KAZN: variants seen among roughly 807,000 people sequenced by gnomAD.
The protein encoded by KAZN is kazrin.
KAZN carries 40 observed loss-of-function variants against 87.4 expected under a neutral mutation model. The observed-to-expected ratio is 0.46, with a 90% CI of 0.36 to 0.60. The LOEUF (loss-of-function observed/expected upper bound fraction) is 0.60, where lower values mean the gene tolerates loss of function less well. Among genes scored for constraint, KAZN ranks in the 20% least tolerant of loss-of-function variants. KAZN has a pLI of 0.00. For synonymous variants in KAZN, 466 were observed against 458.3 expected (o/e 1.02, Z -0.22); for missense variants, 898 against 1,073.9 (o/e 0.84, Z 2.29).
intron 1 of KAZN, among the ~76,000 whole-genome samples, chr1:13,961,567 T>C (rs894842820): frequency 2.6e-5 from 4 of 152,242 alleles, no homozygotes; most frequent in Admixed American, 2.0e-4. Flanking sequence ...CTTTCTCCAC[T>C]GCAATTATCC....
At chr1:14,223,738 C>T (rs137999847) in intron 2 of KAZN, among the ~76,000 whole-genome samples, 155 of 152,240 alleles carry the variant, frequency 1.0e-3, no homozygotes, top group Middle Eastern at 3.4e-3. Context: ...GAAACTGATA[C>T]GAAAGGAGAA....
In KAZN at chr1:14,542,090, G is replaced by A. The variant is rs1672845964; in HGVS notation, c.250-56893G>A. ...AGTGACTCCACAGTCTGTGTCTCAG[G>A]GGTATCCTCTCAACCCACAGGCTCA... On this transcript the variant is annotated intron_variant, in intron 2 of 16. Coordinates refer to the KAZN transcript ENST00000636203. Among the ~76,000 whole-genome samples the A allele has an allele frequency of 3.3e-5, 5 of 152,254 alleles. No individual in the cohort carries two copies. The South Asian group carries it at 1.0e-3, about 32-fold the overall frequency.
intron 1 of KAZN, 112 bp from the exon 2 acceptor site, chr1:14,960,572 C>A: frequency 1.8e-6 from 2 of 1,109,734 alleles, no homozygotes; most frequent in Non-Finnish European, 2.6e-6. Context: ...GTAGGAAAGG[C>A]CCTGAATGCA....
intron 2 of KAZN, among the ~76,000 whole-genome samples, chr1:14,257,082 T>C (rs1443717553): frequency 2.6e-5 from 4 of 152,184 alleles, no homozygotes; most frequent in Non-Finnish European, 5.9e-5. Context: ...TTAGGTCCCT[T>C]CTGCTATAAT....
chr1:14,388,509 C>T lies in KAZN; in HGVS notation c.249+207917C>T, dbSNP rs141620912. Among the ~76,000 whole-genome samples, 839 of 152,212 alleles carry T rather than the reference C, an allele frequency of 5.5e-3. 11 individuals are homozygous for T. Among genetic ancestry groups the T allele is most frequent in the African/African-American group, 0.019 (796 of 41,522 alleles). ...TACAGTACTGGCATAAAAATAGACA[C>T]ATAGATCAGTGGAACAGAGAACCCA... On this transcript the variant is annotated intron_variant, in intron 2 of 16. Transcript: ENST00000636203.
intron 2 of KAZN, among the ~76,000 whole-genome samples, chr1:14,980,993 T>C (rs1666192633): frequency 6.6e-6 from 1 of 152,114 alleles, no homozygotes; most frequent in Non-Finnish European, 1.5e-5. Context: ...TCATTACTCA[T>C]CCCCATGGCC....
At chr1:14,148,147 C>T (rs1050679449) in intron 1 of KAZN, among the ~76,000 whole-genome samples, 8 of 151,942 alleles carry the variant, frequency 5.3e-5, no homozygotes, top group African/African-American at 1.5e-4. Flanking sequence ...TGCAGTGAGC[C>T]GTCATCATGC....
chr1:14,543,071 C>T (rs1029382045), intron 2 of KAZN, among the ~76,000 whole-genome samples: 6 of 152,142 alleles, frequency 3.9e-5, no homozygotes, highest in African/African-American at 1.4e-4. Context: ...AACACAGGCT[C>T]CTAACTAGCT....
chr1:14,209,366 C>T (rs1188635800), intron 2 of KAZN, among the ~76,000 whole-genome samples: 3 of 152,186 alleles, frequency 2.0e-5, no homozygotes, highest in African/African-American at 7.2e-5. Context: ...GAGGTCCCTC[C>T]ACGTGGAAAT....
chr1:14,772,653 A>G (rs1162981027), intron 1 of KAZN, among the ~76,000 whole-genome samples: 1 of 152,202 alleles, frequency 6.6e-6, no homozygotes, highest in Non-Finnish European at 1.5e-5. Flanking sequence ...ATCTTCTCAC[A>G]GAGACACAGG....
At chr1:14,322,260 T>TAATA (rs1032068735) in intron 2 of KAZN, among the ~76,000 whole-genome samples, 3 of 150,588 alleles carry the variant, frequency 2.0e-5, no homozygotes, top group African/African-American at 7.3e-5. Context: ...ACCCTATCTG[T>TAATA]AATAAATAAA....
At chr1:14,567,825 T>C (rs781066228) in intron 2 of KAZN, among the ~76,000 whole-genome samples, 3 of 152,186 alleles carry the variant, frequency 2.0e-5, no homozygotes, top group Non-Finnish European at 2.9e-5. Context: ...AAAAGACCCC[T>C]CCTCTGATCT....
At chr1:14,473,273 T>C (rs924012916) in intron 2 of KAZN, among the ~76,000 whole-genome samples, 1 of 152,198 alleles carries the variant, frequency 6.6e-6, no homozygotes, top group East Asian at 1.9e-4. Flanking sequence ...TTCTTGTTTA[T>C]CTGAAATTCT....
chr1:15,013,430 G>A (rs1669776353), intron 2 of KAZN, among the ~76,000 whole-genome samples: 1 of 152,148 alleles, frequency 6.6e-6, no homozygotes, highest in Admixed American at 6.6e-5. Context: ...AAATAGCACT[G>A]AGGGATCTGG....
intron 1 of KAZN, among the ~76,000 whole-genome samples, chr1:14,615,044 T>C (rs1354921799): frequency 6.6e-6 from 1 of 152,260 alleles, no homozygotes; most frequent in Non-Finnish European, 1.5e-5. Context: ...TACTTGGCAC[T>C]TGCCAATTCC....
intron 2 of KAZN, among the ~76,000 whole-genome samples, chr1:14,253,344 C>T (rs1045379147): frequency 6.6e-6 from 1 of 152,194 alleles, no homozygotes; most frequent in African/African-American, 2.4e-5. Context: ...CATCAAGCTT[C>T]TCGGCCTAAG....
At position 14,839,221 on chromosome 1, in the gene KAZN, G is replaced by A. The variant is rs140224144; in HGVS notation, c.227-121463G>A. On this transcript the variant is annotated intron_variant, in intron 1 of 14. Coordinates refer to ENST00000376030, the MANE Select transcript of KAZN (RefSeq NM_201628.3). ...GTGTAGGATAGTGATTAAGACTGCA[G>A]TCTCCGGAGTGTTCTGTCTGGGTTC... Among the ~76,000 whole-genome samples the A allele has an allele frequency of 7.3e-4, 111 of 152,286 alleles. 1 individual carries two copies. Among genetic ancestry groups the A allele is most frequent in the African/African-American group, 2.5e-3 (105 of 41,550 alleles).
In KAZN at chr1:13,990,731, G is replaced by A. The variant is rs563475446; in HGVS notation, c.91+96975G>A. ...AACTTAATCATAAGTACACTGTGGC[G>A]TTTGGAGTGAAATGTACTGATGTTT... On this transcript the variant is annotated intron_variant, in intron 1 of 16. Transcript: ENST00000636203. Among the ~76,000 whole-genome samples the A allele has an allele frequency of 1.1e-4, 16 of 152,294 alleles. 1 individual carries two copies. In the South Asian group the frequency reaches 1.2e-3, roughly 12 times the overall value.
chr1:15,002,708 G>A (rs1168831727), intron 2 of KAZN, among the ~76,000 whole-genome samples: 3 of 151,682 alleles, frequency 2.0e-5, no homozygotes, highest in Non-Finnish European at 4.4e-5. Context: ...GGGCGTGGTA[G>A]CTCACACCTG....
Sources: allele counts gnomAD v4.1 joint callset (sites outside exome capture counted in the v4.1 genomes callset), GRCh38; gene constraint gnomAD v4.1.1; transcripts MANE v1.5; gene names NCBI Gene and HGNC (gene_info 2026-07-23, HGNC 2026-07-21).